Variants in CCDC141 observed in about 807,000 individuals in gnomAD.
CCDC141 encodes coiled-coil domain-containing protein 141.
In CCDC141, 168 loss-of-function variants were observed where a neutral mutation model predicts 181.0. The observed-to-expected ratio is 0.93, with a 90% CI of 0.82 to 1.05. The LOEUF (loss-of-function observed/expected upper bound fraction) is 1.05, where lower values mean the gene tolerates loss of function less well. Ranked by LOEUF, CCDC141 falls within the 50% of genes least tolerant of loss-of-function variation. The pLI, the probability that CCDC141 is intolerant of heterozygous loss-of-function variation, is 0.00. For missense variants in CCDC141, 1,902 were observed against 1,788.5 expected, an observed-to-expected ratio of 1.06 and a Z score of -1.14; for synonymous variants, 666 against 642.3, an observed-to-expected ratio of 1.04 and a Z score of -0.56.
intron 5 of CCDC141, among the ~76,000 whole-genome samples, chr2:178,960,939 A>G (rs563509832): frequency 6.6e-6 from 1 of 152,374 alleles, no homozygotes; most frequent in East Asian, 1.9e-4. Context: ...CATGTCTAAA[A>G]GTAGTGACCT....
In CCDC141 at chr2:178,865,888, AG is replaced by A. The variant is rs1162632833; in HGVS notation, c.2602del (p.Leu868TyrfsTer13). On this transcript the variant is annotated frameshift_variant, in exon 17 of 24. Coordinates refer to ENST00000443758, the MANE Select transcript of CCDC141 (RefSeq NM_173648.4). LOFTEE classifies it high-confidence loss of function. The stretch of plus-strand genomic sequence containing the variant: ...CTCAAGGAGCTCCAGCTGCTGCTGT[AG>A]GTTCTTTGCAGAAACATTAGAGCAG... ...PHCSNVSAKN[L>X]QQQLELLEED... 6.3e-7 allele frequency: 1 copy of A among 1,596,396 alleles called. No individual in the cohort carries two copies. The highest frequency in any genetic ancestry group is 1.7e-5 in the Admixed American group (1 of 57,308).
intron 11 of CCDC141, among the ~76,000 whole-genome samples, chr2:178,883,092 C>T (rs1330919841): frequency 6.6e-6 from 1 of 152,138 alleles, no homozygotes; most frequent in Non-Finnish European, 1.5e-5. Flanking sequence ...GTCCAAAGGC[C>T]AGAGTGGATC....
chr2:178,927,117 C>A lies in CCDC141; in HGVS notation c.898-8210G>T, dbSNP rs1575227596. On this transcript the variant is annotated intron_variant, in intron 6 of 23. Transcript: ENST00000443758. Reference sequence around the variant, plus strand: ...ATGGAAGAAATCACTTGTCTTCTAACAAAATTCACTGAAAGCTAGAATTTT... The same window carrying A: ...ATGGAAGAAATCACTTGTCTTCTAAAAAAATTCACTGAAAGCTAGAATTTT... Among the ~76,000 whole-genome samples, 3 of 152,094 alleles carry A rather than the reference C, an allele frequency of 2.0e-5. No homozygotes were observed. The South Asian group carries it at 6.2e-4, about 32-fold the overall frequency.
intron 2 of CCDC141, among the ~76,000 whole-genome samples, chr2:178,989,025 G>A (rs190097917): frequency 3.9e-5 from 6 of 152,272 alleles, no homozygotes; most frequent in Admixed American, 2.0e-4. Context: ...TGATCTCAAT[G>A]TAAAAGCTAA....
At chr2:178,882,902 C>A (rs956523994) in intron 11 of CCDC141, among the ~76,000 whole-genome samples, 14 of 151,528 alleles carry the variant, frequency 9.2e-5, no homozygotes, top group African/African-American at 3.4e-4. Context: ...AAATGAGTAA[C>A]CATTAGCTGG....
In CCDC141 at chr2:178,961,488, A is replaced by G; in HGVS notation, c.527-5T>C. On this transcript the variant is annotated splice_region_variant and splice_polypyrimidine_tract_variant and intron_variant, in intron 4 of 23. Transcript: ENST00000443758. ...CTAAAGACCGTTCCAAGAGTTCTAG[A>G]AGAAAATTAGAAAGAAAAAAGAATA... 1.3e-6 allele frequency: 2 copies of G among 1,539,946 alleles called. No homozygotes were observed. The highest frequency in any genetic ancestry group is 2.4e-5 in the South Asian group (2 of 82,742).
intron 2 of CCDC141, among the ~76,000 whole-genome samples, chr2:179,017,359 G>C (rs2154385397): frequency 6.6e-6 from 1 of 152,204 alleles, no homozygotes; most frequent in East Asian, 1.9e-4. Context: ...ACTTACATCT[G>C]ATTTTTGAAG....
intron 10 of CCDC141, 57 bp from the exon 11 acceptor site, chr2:178,885,149 G>A (rs748859185): frequency 9.1e-6 from 11 of 1,208,136 alleles, no homozygotes; most frequent in Admixed American, 2.1e-5. Context: ...GAACATTCAC[G>A]TTTCATTATC....
At chr2:179,018,144 G>C (rs1163732662) in intron 2 of CCDC141, among the ~76,000 whole-genome samples, 1 of 152,022 alleles carries the variant, frequency 6.6e-6, no homozygotes, top group Middle Eastern at 3.2e-3. Flanking sequence ...TACTTTTAAG[G>C]ACAGCCCATT....
chr2:178,906,066 G>C (rs1352872138), intron 7 of CCDC141, among the ~76,000 whole-genome samples: 1 of 152,156 alleles, frequency 6.6e-6, no homozygotes, highest in Non-Finnish European at 1.5e-5. Context: ...CTTCAGAAGA[G>C]ATTAGAATTT....
At chr2:178,898,553 T>C (rs1375106338) in intron 8 of CCDC141, among the ~76,000 whole-genome samples, 1 of 152,158 alleles carries the variant, frequency 6.6e-6, no homozygotes, top group Non-Finnish European at 1.5e-5. Flanking sequence ...TCCAAAAGGA[T>C]AACAACTATT....
At chr2:178,952,720 A>G (rs1474980212) in intron 5 of CCDC141, among the ~76,000 whole-genome samples, 1 of 152,236 alleles carries the variant, frequency 6.6e-6, no homozygotes, top group Non-Finnish European at 1.5e-5. Context: ...ACCAAAATGA[A>G]ATTCTGTGAT....
chr2:179,003,499 C>T (rs1046665712), intron 2 of CCDC141, among the ~76,000 whole-genome samples: 5 of 152,130 alleles, frequency 3.3e-5, no homozygotes, highest in African/African-American at 4.8e-5. Flanking sequence ...TGAAGTAATC[C>T]ATGGAAGCTC....
At chr2:179,011,443 A>G (rs1337158924) in intron 2 of CCDC141, among the ~76,000 whole-genome samples, 1 of 152,156 alleles carries the variant, frequency 6.6e-6, no homozygotes, top group Non-Finnish European at 1.5e-5. Context: ...ACATACACGT[A>G]CCTAACATTG....
At chr2:178,871,366 G>A in intron 14 of CCDC141, 61 bp downstream of exon 14, 2 of 1,547,614 alleles carry the variant, frequency 1.3e-6, no homozygotes, top group Non-Finnish European at 1.8e-6. Flanking sequence ...CAGGTAAACT[G>A]CAACCAAACA....
At chr2:179,016,947 C>T (rs1391090629) in intron 2 of CCDC141, among the ~76,000 whole-genome samples, 6 of 151,856 alleles carry the variant, frequency 4.0e-5, no homozygotes, top group Non-Finnish European at 7.4e-5. Context: ...AAAATATATT[C>T]CCTATGTGGG....
intron 6 of CCDC141, among the ~76,000 whole-genome samples, chr2:178,937,141 G>A (rs1319870615): frequency 1.3e-5 from 2 of 152,146 alleles, no homozygotes; most frequent in African/African-American, 4.8e-5. Context: ...AATAAGAGTG[G>A]TGAAAGAGGG....
chr2:178,926,925 C>G (rs1331107836), intron 6 of CCDC141, among the ~76,000 whole-genome samples: 4 of 152,130 alleles, frequency 2.6e-5, no homozygotes, highest in Non-Finnish European at 4.4e-5. Flanking sequence ...TTATGTGTCA[C>G]TTTAAAGAAA....
chr2:179,010,877 G>T (rs1298834769), intron 2 of CCDC141, among the ~76,000 whole-genome samples: 1 of 152,038 alleles, frequency 6.6e-6, no homozygotes, highest in Non-Finnish European at 1.5e-5. Context: ...ATACAGAACC[G>T]GCTGGGCATG....
Sources: allele counts gnomAD v4.1 joint callset (sites outside exome capture counted in the v4.1 genomes callset), GRCh38; gene constraint gnomAD v4.1.1; transcripts MANE v1.5; gene names NCBI Gene and HGNC (gene_info 2026-07-23, HGNC 2026-07-21).